The following DLGAP1 variants were observed in gnomAD, a reference collection of about 807,000 sequenced individuals.
DLGAP1 encodes disks large-associated protein 1.
DLGAP1 carries 11 observed loss-of-function variants against 90.8 expected under a neutral mutation model. The ratio of observed to expected loss-of-function variants is 0.12; its 90% CI spans 0.08 to 0.20. The LOEUF is 0.20. Ranked by LOEUF, DLGAP1 falls within the 10% of genes least tolerant of loss-of-function variation. The probability of loss-of-function intolerance (pLI) is 1.00; values close to 1 mark genes in which losing one functional copy is unlikely to be tolerated. For missense variants in DLGAP1, 1,050 were observed against 1,333.8 expected, an observed-to-expected ratio of 0.79 and a Z score of 3.31; for synonymous variants, 558 against 540.7, an observed-to-expected ratio of 1.03 and a Z score of -0.44.
At chr18:4,336,534 C>T (rs1230784525) in intron 1 of DLGAP1, among the ~76,000 whole-genome samples, 2 of 152,144 alleles carry the variant, frequency 1.3e-5, no homozygotes, top group African/African-American at 2.4e-5. Context: ...CTGTGACATA[C>T]CTACATAATA....
At position 3,879,926 on chromosome 18, in the gene DLGAP1, G is replaced by T. The variant is rs745940417; in HGVS notation, c.143C>A (p.Thr48Asn). The change falls in exon 4 of 13, where the codon ACC becomes AAC. Residue 48 changes from threonine (T) to asparagine (N), a missense_variant. This residue lies in a region of DLGAP1 where 485 missense variants were observed against 454.1 expected (regional missense o/e 1.07). Coordinates refer to ENST00000315677, the MANE Select transcript of DLGAP1 (RefSeq NM_004746.4). This position sits in a 1 kb window ranked among gnomAD's most constrained non-coding sequence, Gnocchi z 6.6. ...EHHPADHPYY[T>N]QRNSFQAECV... ...CTCAGCCTGGAAGGAGTTCCGCTGGGTGTAGTATGGGTGGTCTGCGGGGTG... is the reference window on the plus strand; with the variant it reads ...CTCAGCCTGGAAGGAGTTCCGCTGGTTGTAGTATGGGTGGTCTGCGGGGTG... 50 of 1,612,796 alleles carry T rather than the reference G, an allele frequency of 3.1e-5. No homozygotes were observed. In the South Asian group the frequency reaches 5.4e-4, roughly 17 times the overall value.
chr18:4,278,059 C>T (rs953441360), intron 1 of DLGAP1, among the ~76,000 whole-genome samples: 3 of 151,808 alleles, frequency 2.0e-5, no homozygotes, highest in Admixed American at 1.3e-4. Context: ...TTACCTTTGG[C>T]TCTTTTTTAT....
chr18:4,336,089 A>G (rs781774321), intron 1 of DLGAP1, among the ~76,000 whole-genome samples: 1 of 152,222 alleles, frequency 6.6e-6, no homozygotes, highest in Admixed American at 6.5e-5. Context: ...CACTATTAGC[A>G]TACTGCAGTA....
At chr18:4,274,656 T>A (rs2079368629) in intron 1 of DLGAP1, among the ~76,000 whole-genome samples, 1 of 152,222 alleles carries the variant, frequency 6.6e-6, no homozygotes, top group Admixed American at 6.5e-5. Flanking sequence ...TTCATTTAAA[T>A]CATTGCAGAA....
chr18:4,192,808 A>G (rs2077425695), intron 1 of DLGAP1, among the ~76,000 whole-genome samples: 1 of 152,224 alleles, frequency 6.6e-6, no homozygotes, highest in South Asian at 2.1e-4. Context: ...ATGCCAAATC[A>G]TGAGCTTTGT....
intron 2 of DLGAP1, among the ~76,000 whole-genome samples, chr18:4,111,176 G>T (rs2075966245): frequency 6.6e-6 from 1 of 151,942 alleles, no homozygotes; most frequent in South Asian, 2.1e-4. Flanking sequence ...GATCTTCTGA[G>T]TTTTTTTCTG....
At chr18:4,080,372 ATGTT>A (rs35939509) in intron 2 of DLGAP1, among the ~76,000 whole-genome samples, 20,848 of 152,208 alleles carry the variant, frequency 0.14, 1,493 homozygotes, top group Middle Eastern at 0.18. Flanking sequence ...ACCTTTTAGA[ATGTT>A]TGTTTTTCTT....
intron 7 of DLGAP1, among the ~76,000 whole-genome samples, chr18:3,646,695 C>T (rs977672408): frequency 7.2e-5 from 11 of 151,984 alleles, no homozygotes; most frequent in African/African-American, 1.4e-4. Flanking sequence ...GAGGCCGAGG[C>T]GGGCAGATCA....
intron 5 of DLGAP1, among the ~76,000 whole-genome samples, chr18:3,796,573 G>T (rs925621014): frequency 6.6e-6 from 1 of 152,122 alleles, no homozygotes; most frequent in Non-Finnish European, 1.5e-5. Flanking sequence ...GAGGGAACAT[G>T]CGCTGAGTGA....
At chr18:4,119,766 A>C (rs543977184) in intron 2 of DLGAP1, among the ~76,000 whole-genome samples, 1 of 152,202 alleles carries the variant, frequency 6.6e-6, no homozygotes, top group Non-Finnish European at 1.5e-5. Context: ...GTGGATCACT[A>C]TTAATCTGGA....
At chr18:3,917,191 A>C (rs12965712) in intron 3 of DLGAP1, among the ~76,000 whole-genome samples, 88,682 of 152,082 alleles carry the variant, frequency 0.58, 25,953 homozygotes, top group African/African-American at 0.61. Context: ...GCATTTTTGA[A>C]TTAATGATAT....
chr18:3,764,521 C>T (rs1238238221), intron 5 of DLGAP1, among the ~76,000 whole-genome samples: 1 of 152,210 alleles, frequency 6.6e-6, no homozygotes, highest in Non-Finnish European at 1.5e-5. Context: ...CTGTGATGTA[C>T]CTCTCTCAAC....
intron 7 of DLGAP1, among the ~76,000 whole-genome samples, chr18:3,657,584 A>C (rs923290469): frequency 4.0e-5 from 6 of 151,834 alleles, no homozygotes; most frequent in African/African-American, 1.5e-4. Context: ...CCATATAGTG[A>C]ATTGGTTCCC....
intron 3 of DLGAP1, among the ~76,000 whole-genome samples, chr18:3,912,152 A>T (rs2148897303): frequency 6.6e-6 from 1 of 152,342 alleles, no homozygotes; most frequent in South Asian, 2.1e-4. Context: ...TTACATATTA[A>T]TCTGTTCTTT....
At chr18:4,001,861 A>G (rs1203957039) in intron 3 of DLGAP1, among the ~76,000 whole-genome samples, 1 of 152,156 alleles carries the variant, frequency 6.6e-6, no homozygotes, top group African/African-American at 2.4e-5. Context: ...TAGGGGTTTC[A>G]GTTGCCCTTC....
Position 4,087,224 on chromosome 18 carries a change from G to A in DLGAP1, c.-159+63956C>T, listed in dbSNP as rs1360191718. The stretch of plus-strand genomic sequence containing the variant: ...CGAATGCTCCAGTGGTTATATATAT[G>A]TTGGGAACAGGCCCCCAAATCTGTC... On this transcript the variant is annotated intron_variant, in intron 2 of 12. Transcript: ENST00000315677. 4.0e-5 allele frequency among the ~76,000 whole-genome samples: 6 copies of A among 151,632 alleles called. No homozygotes were observed. In the East Asian group the frequency reaches 1.2e-3, roughly 29 times the overall value.
At chr18:4,350,274 G>T (rs929585889) in intron 1 of DLGAP1, among the ~76,000 whole-genome samples, 1 of 152,048 alleles carries the variant, frequency 6.6e-6, no homozygotes, top group African/African-American at 2.4e-5. Context: ...CGGATACAAT[G>T]AAGTTCAGCA....
intron 9 of DLGAP1, among the ~76,000 whole-genome samples, chr18:3,551,178 CACATACATATAAAT>C (rs1568178680): frequency 2.6e-4 from 2 of 7,798 alleles, no homozygotes; most frequent in Non-Finnish European, 1.4e-3. Flanking sequence ...TATATATATA[CACATACATATAAAT>C]GCTTTTTTTC....
chr18:4,290,458 A>C (rs1207198860), intron 1 of DLGAP1, among the ~76,000 whole-genome samples: 2 of 152,226 alleles, frequency 1.3e-5, no homozygotes, highest in Non-Finnish European at 2.9e-5. Flanking sequence ...AGCTGTGTAC[A>C]CATATGTGGC....
Sources: gnomAD v4.1 joint callset for allele counts (sites outside exome capture counted in the v4.1 genomes callset) on GRCh38, gnomAD v4.1.1 for gene constraint, gnomAD v4.1.1 regional missense constraint, Gnocchi (gnomAD v3.1) non-coding constraint, MANE v1.5 for transcripts, NCBI Gene and HGNC (gene_info 2026-07-23, HGNC 2026-07-21) for gene names.